BCORL1: variants seen among roughly 807,000 people sequenced by gnomAD.
The protein encoded by BCORL1 is BCL-6 corepressor-like protein 1.
Under a neutral mutation model 87.6 loss-of-function variants are expected in BCORL1, and 7 were observed. The ratio of observed to expected loss-of-function variants is 0.08; its 90% CI spans 0.05 to 0.15. The LOEUF (loss-of-function observed/expected upper bound fraction) is 0.15, where lower values mean the gene tolerates loss of function less well. Ranked by LOEUF, BCORL1 falls within the 10% of genes least tolerant of loss-of-function variation. The pLI is 1.00. For synonymous variants in BCORL1, 591 were observed against 634.4 expected (o/e 0.93, Z 1.03); for missense variants, 1,215 against 1,499.7 (o/e 0.81, Z 3.13).
At position 130,043,762 on chromosome X, in the gene BCORL1, ATATATATATATATATATATATATTT is replaced by A. The variant is rs1425705936; in HGVS notation, c.4840+4482_4840+4506del. On this transcript the variant is annotated intron_variant, in intron 11 of 13. Coordinates refer to ENST00000540052, the MANE Select transcript of BCORL1 (RefSeq NM_001379451.1). The stretch of plus-strand genomic sequence containing the variant: ...GCTAATTTGTTATATATATATATAT[ATATATATATATATATATATATATTT>A]TTTTTTTTTTTTTTTTTTGAGACGG... 1.7e-3 allele frequency among the ~76,000 whole-genome samples: 24 copies of A among 14,369 alleles called. 1 individual carries two copies. Among genetic ancestry groups the A allele is most frequent in the Admixed American group, 7.8e-3 (7 of 900 alleles). The allele number at this position is 14,369 out of a possible 115,157, so 12.5% of individuals were successfully genotyped here.
intron 1 of BCORL1, among the ~76,000 whole-genome samples, chrX:129,999,060 G>T (rs1182816996): frequency 5.4e-4 from 47 of 87,361 alleles, no homozygotes; most frequent in African/African-American, 1.5e-3. Context: ...ATTTTTTGTG[G>T]TTTTTTTTTT....
chrX:130,037,280 G>C (rs1931011254), intron 9 of BCORL1, 87 bp from the exon 10 acceptor site: 3 of 984,197 alleles, frequency 3.0e-6, no homozygotes, highest in African/African-American at 1.9e-5. Context: ...AGACTCCTCA[G>C]ATATTTGGGG....
chrX:129,997,270 T>C (rs1409328742), intron 1 of BCORL1, among the ~76,000 whole-genome samples: 2 of 111,529 alleles, frequency 1.8e-5, no homozygotes, highest in Non-Finnish European at 3.8e-5. Context: ...TCTTCAGTGC[T>C]TCCCCACAGT....
chrX:130,051,805 T>G, intron 12 of BCORL1, 55 bp from the exon 13 acceptor site: 4 of 1,066,741 alleles, frequency 3.7e-6, no homozygotes, highest in Non-Finnish European at 5.0e-6. Context: ...GCATTTCTTT[T>G]CTTCGGTTTT....
intron 13 of BCORL1, among the ~76,000 whole-genome samples, chrX:130,053,470 G>A (rs1409790192): frequency 8.9e-6 from 1 of 111,736 alleles, no homozygotes; most frequent in Non-Finnish European, 1.9e-5. Context: ...TTCCTCCGAT[G>A]TATTCAGCAC....
At position 130,057,986 on chromosome X, in the gene BCORL1, C is replaced by T. The variant is rs1031410095; in HGVS notation, c.*1850C>T. 9 of 109,885 alleles carry T rather than the reference C, an allele frequency of 8.2e-5. No individual in the cohort carries two copies. Among genetic ancestry groups the T allele is most frequent in the East Asian group, 2.8e-4 (1 of 3,532 alleles). 9.1% of individuals were successfully genotyped at this position (109,885 alleles called of 1,213,427 possible). On this transcript the variant is annotated 3_prime_UTR_variant, in exon 14 of 14. Transcript: ENST00000540052. ...ATGTTCTGTTTGCCTTTCCTTTTTT[C>T]GCATTTGGGTGTATATTCTGGCTGC...
chrX:130,027,664 TTGTTA>T (rs1176916212), intron 7 of BCORL1, among the ~76,000 whole-genome samples: 2 of 112,812 alleles, frequency 1.8e-5, no homozygotes, highest in African/African-American at 6.4e-5. Context: ...GATGTCTTAC[TTGTTA>T]TAACACTTTT....
intron 1 of BCORL1, among the ~76,000 whole-genome samples, chrX:129,983,683 C>G (rs1190798738): frequency 9.6e-6 from 1 of 104,046 alleles, no homozygotes; most frequent in Non-Finnish European, 2.0e-5. Context: ...GCCCTGGCTC[C>G]GCTGCCCTCG....
rs1734361567 is a variant in BCORL1 at position 130,057,184 on chromosome X, T to G, written c.*1048T>G. 9.5e-6 allele frequency: 1 copy of G among 105,515 alleles called. No individual in the cohort carries two copies. Among genetic ancestry groups the G allele is most frequent in the Admixed American group, 1.0e-4 (1 of 9,711 alleles). 8.7% of individuals were successfully genotyped at this position (105,515 alleles called of 1,213,427 possible). A position where few individuals can be genotyped will look rare whatever the true frequency, so the allele number is the denominator to read the frequency against. On this transcript the variant is annotated 3_prime_UTR_variant, in exon 14 of 14. Coordinates refer to ENST00000540052, the MANE Select transcript of BCORL1 (RefSeq NM_001379451.1). ...ACTCACAGCACCCCTTTCCTTCCTC[T>G]CCTCCCACCTCCTCCCTCAGCCCCT...
chrX:129,999,679 CTT>C (rs58107259), intron 1 of BCORL1, among the ~76,000 whole-genome samples: 2 of 102,345 alleles, frequency 2.0e-5, no homozygotes, highest in African/African-American at 7.2e-5. Context: ...TCCTCTAATT[CTT>C]TTTCCCCCCC....
At position 130,025,302 on chromosome X, in the gene BCORL1, G is replaced by A. The variant is rs143797443; in HGVS notation, c.4001G>A (p.Arg1334Gln). Residue 1334 changes from arginine to glutamine, a missense_variant, in exon 7 of 14, where the codon CGG becomes CAG. Around this residue, in one of 5 missense-constraint regions of BCORL1, gnomAD observed 166 missense variants for 196.5 expected, o/e 0.84. Coordinates refer to ENST00000540052, the MANE Select transcript of BCORL1 (RefSeq NM_001379451.1). Reference sequence around the variant, plus strand: ...CTGCTGAAGAGGAAGAAACGAAGACGGCAGAAGAGCCGAAAATATCAGACT... The same window carrying A: ...CTGCTGAAGAGGAAGAAACGAAGACAGCAGAAGAGCCGAAAATATCAGACT... ...EGLLKRKKRR[R>Q]QKSRKYQTGE... The A allele has an allele frequency of 5.0e-6, 6 of 1,198,197 alleles. No homozygotes were observed. The highest frequency in any genetic ancestry group is 5.6e-6 in the Non-Finnish European group (5 of 889,795).
chrX:130,005,039 C>T, intron 1 of BCORL1, 149 bp from the exon 2 acceptor site: 1 of 359,618 alleles, frequency 2.8e-6, no homozygotes, highest in South Asian at 8.6e-5. Context: ...GCTCCCTCTT[C>T]CCGGTTTAGA....
chrX:130,028,891 GGT>G, intron 8 of BCORL1, 30 bp downstream of exon 8: 1 of 1,018,635 alleles, frequency 9.8e-7, no homozygotes, highest in Non-Finnish European at 1.3e-6. Flanking sequence ...TATTGTAGAA[GGT>G]GTGTGTGGCG....
At chrX:129,982,612 A>T (rs1462020219), upstream of BCORL1, 1 of 110,162 alleles carries the variant, frequency 9.1e-6, no homozygotes, top group Non-Finnish European at 1.9e-5. Context: ...ACACAGACAC[A>T]CACACACACC....
In BCORL1 at chrX:130,014,194, C is replaced by T. The variant is rs771558345; in HGVS notation, c.1422C>T (p.Ser474=). The change falls in exon 4 of 14, where the codon TCC becomes TCT. Residue 474 remains serine (S), a synonymous_variant. Transcript: ENST00000540052. Reference sequence around the variant, plus strand: ...TGCCAACCACTCTAGGGGTTTCCTCCACTCTTACGCTCCCTGTCCTGCCGT... The same window carrying T: ...TGCCAACCACTCTAGGGGTTTCCTCTACTCTTACGCTCCCTGTCCTGCCGT... ...ATLPTTLGVS[S]TLTLPVLPSY... is the part of the protein sequence containing the mutation. 3 of 1,210,920 alleles carry T rather than the reference C, an allele frequency of 2.5e-6. No homozygotes were observed. The highest frequency in any genetic ancestry group is 3.5e-5 in the South Asian group (2 of 56,915).
chrX:129,999,572 T>C (rs5932712), intron 1 of BCORL1, among the ~76,000 whole-genome samples: 2 of 109,844 alleles, frequency 1.8e-5, no homozygotes, highest in Non-Finnish European at 3.8e-5. Flanking sequence ...CCTCCCAAGG[T>C]GCTGGGATTA....
At chrX:129,980,561 G>T (rs1167557090), upstream of BCORL1, among the ~76,000 whole-genome samples, 1 of 112,280 alleles carries the variant, frequency 8.9e-6, no homozygotes, top group Non-Finnish European at 1.9e-5. Context: ...GACCGAGGCC[G>T]GCACCTGGAC....
At chrX:130,004,716 A>G (rs1033104803) in intron 1 of BCORL1, among the ~76,000 whole-genome samples, 2 of 112,150 alleles carry the variant, frequency 1.8e-5, no homozygotes, top group Non-Finnish European at 3.8e-5. Context: ...GAAAAAAAGC[A>G]TGTGCTTCCT....
intron 5 of BCORL1, among the ~76,000 whole-genome samples, chrX:130,021,801 T>G (rs776646544): frequency 1.8e-5 from 2 of 111,003 alleles, no homozygotes; most frequent in East Asian, 5.6e-4. Context: ...TTTTTTTTTT[T>G]GAGACAGAGT....
Sources: gnomAD v4.1 joint callset for allele counts (sites outside exome capture counted in the v4.1 genomes callset) on GRCh38, gnomAD v4.1.1 for gene constraint, gnomAD v4.1.1 regional missense constraint, MANE v1.5 for transcripts, NCBI Gene and HGNC (gene_info 2026-07-23, HGNC 2026-07-21) for gene names.